LYG2: variants seen among roughly 807,000 people sequenced by gnomAD.
LYG2 encodes the protein lysozyme g2, also known as lysozyme g-like protein 2.
In LYG2, 25 loss-of-function variants were observed where a neutral mutation model predicts 22.4. The ratio of observed to expected loss-of-function variants is 1.12; its 90% CI spans 0.81 to 1.56. LYG2 has a LOEUF of 1.56. Ranked by LOEUF, LYG2 falls within the 40% of genes most tolerant of loss-of-function variation. The pLI is 0.00. For synonymous variants in LYG2, 88 were observed against 97.0 expected (o/e 0.91, Z 0.55); for missense variants, 266 against 269.5 (o/e 0.99, Z 0.09).
chr2:99,249,806 C>T (rs1025267498), intron 3 of LYG2, among the ~76,000 whole-genome samples: 3 of 151,600 alleles, frequency 2.0e-5, no homozygotes, highest in Non-Finnish European at 4.4e-5. Flanking sequence ...ACTTCTCCCA[C>T]CTCTGCTTCT....
intron 3 of LYG2, among the ~76,000 whole-genome samples, chr2:99,248,306 A>G (rs545509554): frequency 3.3e-5 from 5 of 152,308 alleles, no homozygotes; most frequent in South Asian, 2.1e-4. Context: ...GGCACTATTC[A>G]CAATAGCAAA....
At chr2:99,252,091 A>T (rs1287601406) in intron 3 of LYG2, among the ~76,000 whole-genome samples, 3 of 20,722 alleles carry the variant, frequency 1.4e-4, no homozygotes. Flanking sequence ...CACCGTGCCC[A>T]GCCCAAAAAT....
Position 99,242,347 on chromosome 2 carries a change from C to T in LYG2, c.*17G>A, listed in dbSNP as rs2094007951. 2 of 1,551,188 alleles carry T rather than the reference C, an allele frequency of 1.3e-6. No individual in the cohort carries two copies. The highest frequency in any genetic ancestry group is 1.4e-5 in the African/African-American group (1 of 73,470). The stretch of plus-strand genomic sequence containing the variant: ...ATCTGAGCACTCTGCCAACCTGGCC[C>T]ACCCACAGAGCTTTGCCTAGAAGCT... On this transcript the variant is annotated 3_prime_UTR_variant, in exon 7 of 7. Coordinates refer to ENST00000333017, the MANE Select transcript of LYG2 (RefSeq NM_175735.4).
At chr2:99,249,541 T>A (rs2094022565) in intron 3 of LYG2, among the ~76,000 whole-genome samples, 1 of 151,740 alleles carries the variant, frequency 6.6e-6, no homozygotes, top group Non-Finnish European at 1.5e-5. Context: ...GGCAGGCGGA[T>A]CACCTGAGGT....
chr2:99,245,552 C>G (rs2094014607), intron 4 of LYG2, 94 bp from the exon 5 acceptor site: 1 of 682,180 alleles, frequency 1.5e-6, no homozygotes, highest in African/African-American at 1.9e-5. Context: ...AGGAGGATTG[C>G]TTGAACCCAG....
At chr2:99,247,316 C>T (rs1295171093) in intron 3 of LYG2, among the ~76,000 whole-genome samples, 2 of 152,122 alleles carry the variant, frequency 1.3e-5, no homozygotes, top group Admixed American at 6.5e-5. Context: ...GTCTCAAACT[C>T]CTGTGCTCAA....
upstream of LYG2, among the ~76,000 whole-genome samples, chr2:99,258,761 C>A (rs2094041352): frequency 1.3e-5 from 2 of 152,228 alleles, no homozygotes; most frequent in Admixed American, 1.3e-4. Flanking sequence ...CAGGATATAT[C>A]AATGTCAAGC....
intron 6 of LYG2, 127 bp from the exon 7 acceptor site, chr2:99,242,609 C>T (rs2094008402): frequency 1.8e-6 from 1 of 557,170 alleles, no homozygotes; most frequent in Middle Eastern, 4.7e-4. Context: ...CCTCCTCCCT[C>T]TCCCTCCCTT....
intron 3 of LYG2, among the ~76,000 whole-genome samples, chr2:99,251,874 G>T (rs2094027265): frequency 7.0e-6 from 1 of 143,410 alleles, no homozygotes; most frequent in African/African-American, 2.5e-5. Flanking sequence ...GTCTCACTCT[G>T]TCGCCCAGGC....
rs1042551364 is a variant in LYG2 at position 99,255,061 on chromosome 2, G to A, written c.-67C>T. 6.6e-6 allele frequency: 1 copy of A among 152,218 alleles called. No individual in the cohort carries two copies. Among genetic ancestry groups the A allele is most frequent in the African/African-American group, 2.4e-5 (1 of 41,448 alleles). 9.4% of individuals were successfully genotyped at this position (152,218 alleles called of 1,614,324 possible). ...CAGAGAAAATCTCCCCTCTCTGTTT[G>A]CAAAGGTCTTCTGTACTCAGCAGCA... is the stretch of plus-strand genomic sequence containing the variant. On this transcript the variant is annotated 5_prime_UTR_variant, in exon 2 of 7. Transcript: ENST00000333017.
At chr2:99,247,163 G>A (rs1190519569) in intron 3 of LYG2, among the ~76,000 whole-genome samples, 1 of 151,976 alleles carries the variant, frequency 6.6e-6, no homozygotes, top group African/African-American at 2.4e-5. Context: ...CATGATCATA[G>A]CTCGCTGCAG....
At chr2:99,256,957 C>T (rs1315982488), upstream of LYG2, among the ~76,000 whole-genome samples, 1 of 152,194 alleles carries the variant, frequency 6.6e-6, no homozygotes, top group Non-Finnish European at 1.5e-5. Flanking sequence ...GAAACTGTGA[C>T]TCAGAGAAGC....
intron 5 of LYG2, among the ~76,000 whole-genome samples, chr2:99,245,041 G>A (rs1187250204): frequency 6.6e-6 from 1 of 151,642 alleles, no homozygotes. Context: ...GAACCCGGGA[G>A]TGGAGGTTGC....
At chr2:99,254,193 T>C (rs1392059726) in intron 3 of LYG2, 25 bp downstream of exon 3, 1 of 1,609,038 alleles carries the variant, frequency 6.2e-7, no homozygotes, top group South Asian at 1.1e-5. Context: ...CTGTGAACAA[T>C]GCTAAATCTC....
upstream of LYG2, among the ~76,000 whole-genome samples, chr2:99,255,869 ACTT>A (rs1335868865): frequency 2.0e-5 from 3 of 152,144 alleles, no homozygotes; most frequent in Non-Finnish European, 4.4e-5. Flanking sequence ...AGGGATGAAA[ACTT>A]CTTCAAGAAG....
chr2:99,254,915 G>A (rs1445706452), intron 2 of LYG2, 105 bp downstream of exon 2: 1 of 152,290 alleles, frequency 6.6e-6, no homozygotes, highest in Non-Finnish European at 1.5e-5. Context: ...ACGTGACTTA[G>A]AAGAGGTTTC....
chr2:99,247,324 C>T (rs2094017823), intron 3 of LYG2, among the ~76,000 whole-genome samples: 1 of 152,166 alleles, frequency 6.6e-6, no homozygotes, highest in Admixed American at 6.5e-5. Context: ...CTCCTGTGCT[C>T]AAGCGATCCT....
At chr2:99,259,789 T>TA (rs972437036), upstream of LYG2, among the ~76,000 whole-genome samples, 15 of 151,880 alleles carry the variant, frequency 9.9e-5, no homozygotes, top group South Asian at 4.2e-4. Context: ...CACGCTCTTT[T>TA]AAAAAAAATA....
At chr2:99,254,691 A>G (rs2094032936) in intron 2 of LYG2, among the ~76,000 whole-genome samples, 1 of 152,046 alleles carries the variant, frequency 6.6e-6, no homozygotes, top group Admixed American at 6.6e-5. Flanking sequence ...TTATTTAGAA[A>G]TGGGATCTTG....
Sources: gnomAD v4.1 joint callset for allele counts (sites outside exome capture counted in the v4.1 genomes callset) on GRCh38, gnomAD v4.1.1 for gene constraint, MANE v1.5 for transcripts, NCBI Gene and HGNC (gene_info 2026-07-23, HGNC 2026-07-21) for gene names.